ALMS1: variants seen among roughly 807,000 people sequenced by gnomAD.
The protein encoded by ALMS1 is centrosome-associated protein ALMS1.
Under a neutral mutation model 352.2 loss-of-function variants are expected in ALMS1, and 271 were observed. That is an observed-to-expected ratio of 0.77 (90% CI 0.70 to 0.85). The LOEUF is 0.85. Among genes scored for constraint, ALMS1 ranks in the 40% least tolerant of loss-of-function variants. ALMS1 has a pLI of 0.00. For missense variants in ALMS1, 5,445 were observed against 4,870.7 expected, an observed-to-expected ratio of 1.12 and a Z score of -3.51; for synonymous variants, 1,865 against 1,761.2, an observed-to-expected ratio of 1.06 and a Z score of -1.48.
At chr2:73,600,999 C>A in intron 18 of ALMS1, 118 bp downstream of exon 18, 1 of 1,407,074 alleles carries the variant, frequency 7.1e-7, no homozygotes, top group Non-Finnish European at 9.7e-7. Context: ...CCAGCCACAA[C>A]CTTGTCAGGT....
chr2:73,528,470 A>T (rs974386344), intron 11 of ALMS1, among the ~76,000 whole-genome samples: 1 of 152,244 alleles, frequency 6.6e-6, no homozygotes, highest in Non-Finnish European at 1.5e-5. Flanking sequence ...CTTTATCATT[A>T]TATAATGACC....
chr2:73,519,030 A>C (rs1264859923), intron 10 of ALMS1, among the ~76,000 whole-genome samples: 1 of 152,210 alleles, frequency 6.6e-6, no homozygotes, highest in East Asian at 1.9e-4. Context: ...TCTAGGTTGC[A>C]TATGTGGTAT....
intron 14 of ALMS1, among the ~76,000 whole-genome samples, chr2:73,557,953 T>TG (rs1674579133): frequency 6.6e-6 from 1 of 152,238 alleles, no homozygotes; most frequent in Non-Finnish European, 1.5e-5. Context: ...ACAAAGCTGT[T>TG]GCTCTCTTGT....
At chr2:73,538,598 CG>C (rs1460636246) in intron 12 of ALMS1, among the ~76,000 whole-genome samples, 1 of 152,144 alleles carries the variant, frequency 6.6e-6, no homozygotes, top group Non-Finnish European at 1.5e-5. Flanking sequence ...TCGCCTCACC[CG>C]GGAAGCGCAA....
At chr2:73,398,219 TC>T (rs1223206038) in intron 1 of ALMS1, among the ~76,000 whole-genome samples, 1 of 152,236 alleles carries the variant, frequency 6.6e-6, no homozygotes, top group Non-Finnish European at 1.5e-5. Context: ...GTCCAGTTGT[TC>T]CAGCACCATT....
rs1169514054 is a variant in ALMS1 at position 73,455,147 on chromosome 2, A to G, written c.7541-15A>G. ...TTTTGCATTGTATTATCTCAAGTGT[A>G]TGCTTTCTCTCCAGCCTGGAATATG... On this transcript the variant is annotated splice_polypyrimidine_tract_variant and intron_variant, in intron 8 of 22. Coordinates refer to ENST00000613296, the MANE Select transcript of ALMS1 (RefSeq NM_001378454.1). 1.2e-6 allele frequency: 2 copies of G among 1,612,800 alleles called. No homozygotes were observed. Among genetic ancestry groups the G allele is most frequent in the East Asian group, 2.2e-5 (1 of 44,844 alleles).
At chr2:73,395,599 A>G (rs1670744761) in intron 1 of ALMS1, among the ~76,000 whole-genome samples, 2 of 152,154 alleles carry the variant, frequency 1.3e-5, no homozygotes. Context: ...TATTCGTTGT[A>G]GATGTTTAAA....
intron 16 of ALMS1, among the ~76,000 whole-genome samples, chr2:73,574,913 A>T (rs1408231014): frequency 1.3e-5 from 2 of 152,206 alleles, no homozygotes; most frequent in African/African-American, 4.8e-5. Context: ...CCCATTAAGC[A>T]GTGACTCTCT....
intron 9 of ALMS1, among the ~76,000 whole-genome samples, chr2:73,462,627 G>A (rs950432307): frequency 1.3e-5 from 2 of 152,164 alleles, no homozygotes; most frequent in Non-Finnish European, 2.9e-5. Flanking sequence ...AAATGTAAAT[G>A]GACTAAATGC....
chr2:73,407,927 G>A (rs1031267586), intron 1 of ALMS1, among the ~76,000 whole-genome samples: 4 of 152,010 alleles, frequency 2.6e-5, no homozygotes, highest in African/African-American at 4.8e-5. Flanking sequence ...GTTTGTAATC[G>A]GATTTTTAGT....
At chr2:73,441,796 T>C (rs1183613774) in intron 7 of ALMS1, among the ~76,000 whole-genome samples, 1 of 152,156 alleles carries the variant, frequency 6.6e-6, no homozygotes, top group Non-Finnish European at 1.5e-5. Flanking sequence ...TTTTGTCTTT[T>C]GGTTTCTAGG....
rs369650940 is a variant in ALMS1, at chr2:73,490,240, C to T, written c.8281C>T (p.Pro2761Ser). 3.1e-6 allele frequency: 5 copies of T among 1,613,952 alleles called. No homozygotes were observed. Among genetic ancestry groups the T allele is most frequent in the Non-Finnish European group, 4.2e-6 (5 of 1,180,028 alleles). The change falls in exon 10 of 23, where the codon CCC becomes TCC. Residue 2761 changes from proline (P) to serine (S), a missense_variant. Coordinates refer to ENST00000613296, the MANE Select transcript of ALMS1 (RefSeq NM_001378454.1). ...TCATTTCACTGAAGAACAAAATCCTCCCAGAGATCTTAAACAGAAAACCTC... is the reference window on the plus strand; with the variant it reads ...TCATTTCACTGAAGAACAAAATCCTTCCAGAGATCTTAAACAGAAAACCTC... The part of the protein sequence containing the change: ...NSHFTEEQNP[P>S]RDLKQKTSSP...
intron 10 of ALMS1, among the ~76,000 whole-genome samples, chr2:73,499,337 A>G (rs1257042002): frequency 6.6e-6 from 1 of 152,034 alleles, no homozygotes; most frequent in African/African-American, 2.4e-5. Flanking sequence ...CTTTGCTGTA[A>G]AGAAGCTTTT....
chr2:73,564,499 A>G (rs894241553), intron 15 of ALMS1, among the ~76,000 whole-genome samples: 4 of 151,938 alleles, frequency 2.6e-5, no homozygotes, highest in African/African-American at 9.7e-5. Flanking sequence ...CAAACATGTA[A>G]TTCAATGATT....
chr2:73,567,893 A>G (rs1285647248), intron 15 of ALMS1, among the ~76,000 whole-genome samples: 1 of 152,216 alleles, frequency 6.6e-6, no homozygotes, highest in Admixed American at 6.5e-5. Context: ...ATATATTAAA[A>G]TTAAAGTGTC....
At chr2:73,558,722 T>C (rs1445793650) in intron 14 of ALMS1, among the ~76,000 whole-genome samples, 1 of 152,198 alleles carries the variant, frequency 6.6e-6, no homozygotes, top group Non-Finnish European at 1.5e-5. Context: ...TCTATGGTAC[T>C]CCCACCTGCA....
At position 73,423,034 on chromosome 2, in the gene ALMS1, T is replaced by C. The variant is rs1475393086; in HGVS notation, c.764+60T>C. On this transcript the variant is annotated intron_variant, in intron 4 of 22. Coordinates refer to ENST00000613296, the MANE Select transcript of ALMS1 (RefSeq NM_001378454.1). ...TTCTTGTTCTATGTTTTTACTAATA[T>C]TAGTGACTTCAGGCTAAGGTGGGAC... 31 of 1,445,408 alleles carry C rather than the reference T, an allele frequency of 2.1e-5. No homozygotes were observed. In the East Asian group the frequency reaches 3.7e-4, roughly 17 times the overall value. 89.5% of individuals were successfully genotyped at this position (1,445,408 alleles called of 1,614,324 possible).
At position 73,449,834 on chromosome 2, in the gene ALMS1, C is replaced by A; in HGVS notation, c.3307C>A (p.Pro1103Thr). Residue 1103 changes from proline to threonine, a missense_variant, in exon 8 of 23, where the codon CCT becomes ACT. Coordinates refer to ENST00000613296, the MANE Select transcript of ALMS1 (RefSeq NM_001378454.1). Reference sequence around the variant, plus strand: ...TACTTTCTACTCACAAAGAGAGAAGCCTGGTATTTTCTACCAACAGACCTT... The same window carrying A: ...TACTTTCTACTCACAAAGAGAGAAGACTGGTATTTTCTACCAACAGACCTT... Reference protein sequence around the residue: ...PSTFYSQREKPGIFYQQTLPE... With the variant: ...PSTFYSQREKTGIFYQQTLPE... 6.2e-7 allele frequency: 1 copy of A among 1,614,064 alleles called. No individual in the cohort carries two copies. The highest frequency in any genetic ancestry group is 8.5e-7 in the Non-Finnish European group (1 of 1,179,960).
chr2:73,497,586 C>G (rs143926598), intron 10 of ALMS1, among the ~76,000 whole-genome samples: 4 of 151,798 alleles, frequency 2.6e-5, no homozygotes, highest in African/African-American at 9.7e-5. Flanking sequence ...TGTATAATAG[C>G]GTTATGTCTA....
Sources: allele counts gnomAD v4.1 joint callset (sites outside exome capture counted in the v4.1 genomes callset), GRCh38; gene constraint gnomAD v4.1.1; transcripts MANE v1.5; gene names NCBI Gene and HGNC (gene_info 2026-07-23, HGNC 2026-07-21).